The following PTK7 variants were observed in gnomAD, a reference collection of about 807,000 sequenced individuals.
PTK7 encodes protein tyrosine kinase 7 (inactive).
A neutral mutation model predicts 116.6 loss-of-function variants in PTK7; 39 were observed. The ratio of observed to expected loss-of-function variants is 0.33; its 90% CI spans 0.26 to 0.44. PTK7 has a LOEUF of 0.44. PTK7 is among the 20% of genes least tolerant of loss of function. PTK7 has a pLI of 1.00. For missense variants in PTK7, 1,169 were observed against 1,425.6 expected (o/e 0.82, Z 2.90); for synonymous variants, 546 against 563.6 (o/e 0.97, Z 0.44).
chr6:43,130,155 C>T, intron 3 of PTK7, 75 bp from the exon 4 acceptor site: 1 of 1,417,972 alleles, frequency 7.1e-7, no homozygotes, highest in African/African-American at 1.4e-5. Flanking sequence ...CTAGCCCTGA[C>T]CCTCTGATAC....
chr6:43,103,899 G>A (rs1477584382), intron 1 of PTK7, among the ~76,000 whole-genome samples: 1 of 152,182 alleles, frequency 6.6e-6, no homozygotes, highest in Non-Finnish European at 1.5e-5. Context: ...AAATAGGACA[G>A]TATTTAAATT....
At chr6:43,157,364 A>ATTTTTTTTTT (rs1293389236) in intron 17 of PTK7, among the ~76,000 whole-genome samples, 2 of 54,344 alleles carry the variant, frequency 3.7e-5, no homozygotes, top group African/African-American at 7.2e-5. Context: ...ATATATATAT[A>ATTTTTTTTTT]TTTTTTTTTT....
chr6:43,132,102 G>A lies in PTK7; in HGVS notation c.899G>A (p.Arg300His), dbSNP rs773128495. The A allele has an allele frequency of 8.1e-6, 13 of 1,614,048 alleles. No homozygotes were observed. The highest frequency in any genetic ancestry group is 2.2e-5 in the South Asian group (2 of 91,086). ...CGGCCACGCAATGCAGGGATCTACC[G>A]CTGCATTGGCCAGGGGCAGAGGGGC... is the stretch of plus-strand genomic sequence containing the variant. ...QVRPRNAGIY[R>H]CIGQGQRGPP... The change falls in exon 6 of 20, where the codon CGC (arginine) becomes CAC (histidine). Residue 300 changes from arginine to histidine, a missense_variant. Physicochemically the swap from Arg to His is conservative, Grantham distance 29. Transcript: ENST00000230419.
chr6:43,144,327 C>T (rs943014371), intron 14 of PTK7, 124 bp from the exon 15 acceptor site: 1 of 1,188,054 alleles, frequency 8.4e-7, no homozygotes, highest in Non-Finnish European at 1.2e-6. Flanking sequence ...CTTGCCCTTT[C>T]ATGTGGAGCA....
At chr6:43,087,555 C>T (rs1766728671) in intron 1 of PTK7, among the ~76,000 whole-genome samples, 2 of 152,140 alleles carry the variant, frequency 1.3e-5, no homozygotes, top group African/African-American at 4.8e-5. Context: ...ATGTTCATAC[C>T]TCTTGAGCCT....
At chr6:43,083,255 G>C (rs1391523337) in intron 1 of PTK7, among the ~76,000 whole-genome samples, 1 of 152,234 alleles carries the variant, frequency 6.6e-6, no homozygotes, top group Non-Finnish European at 1.5e-5. Flanking sequence ...ACTACCCCTG[G>C]CCAGAGCCAC....
chr6:43,104,427 A>T (rs549369515), intron 1 of PTK7, among the ~76,000 whole-genome samples: 1 of 152,296 alleles, frequency 6.6e-6, no homozygotes, highest in African/African-American at 2.4e-5. Context: ...TTATTTATTT[A>T]TGAGATGGAT....
At position 43,159,871 on chromosome 6, in the gene PTK7, A is replaced by C; in HGVS notation, c.2957A>C (p.Lys986Thr). 6.2e-7 allele frequency: 1 copy of C among 1,614,222 alleles called. No individual in the cohort carries two copies. The change falls in exon 19 of 20, where the codon AAG (lysine) becomes ACG (threonine). Residue 986 changes from lysine (K) to threonine (T), a missense_variant. By Grantham distance (78) the Lys-to-Thr change is moderately conservative. This residue lies in a region of PTK7 where 678 missense variants were observed against 853.8 expected (regional missense o/e 0.79). Coordinates refer to ENST00000230419, the MANE Select transcript of PTK7 (RefSeq NM_002821.5). ...EAILEGDFSTKSDVWAFGVLM... is the reference protein window; with the variant it reads ...EAILEGDFSTTSDVWAFGVLM... ...ATCCTGGAGGGTGACTTCTCTACCA[A>C]GTCTGATGTCTGGGCCTTCGGTGTG...
chr6:43,100,267 C>T (rs1340019956), intron 1 of PTK7, among the ~76,000 whole-genome samples: 1 of 151,822 alleles, frequency 6.6e-6, no homozygotes, highest in East Asian at 1.9e-4. Context: ...CCTATAGTCC[C>T]AGCTACTCAG....
intron 17 of PTK7, among the ~76,000 whole-genome samples, chr6:43,152,742 A>ATGTTATGTTATGTTATGTTG (rs1771196884): frequency 9.7e-6 from 1 of 103,408 alleles, no homozygotes; most frequent in African/African-American, 5.3e-5. Context: ...TATTTATGTT[A>ATGTTATGTTATGTTATGTTG]TGTTATGTTA....
intron 1 of PTK7, among the ~76,000 whole-genome samples, chr6:43,119,272 G>A (rs1768811656): frequency 6.6e-6 from 1 of 152,116 alleles, no homozygotes; most frequent in Non-Finnish European, 1.5e-5. Flanking sequence ...TAGTCTCCTA[G>A]GCGGGAGACA....
chr6:43,104,707 T>A (rs1040383292), intron 1 of PTK7, among the ~76,000 whole-genome samples: 6 of 151,904 alleles, frequency 3.9e-5, no homozygotes, highest in African/African-American at 1.4e-4. Context: ...GGATTACAGG[T>A]GTCAGCCTCC....
In PTK7 at chr6:43,148,700, G is replaced by T. The variant is rs546077836; in HGVS notation, c.2721+2002G>T. On this transcript the variant is annotated intron_variant, in intron 17 of 19. Transcript: ENST00000230419. ...CCATAGTGTCTTAAATATGATGGGG[G>T]AACTTTAATAAGTTGGGTTCTACAC... Among the ~76,000 whole-genome samples the T allele has an allele frequency of 3.9e-5, 6 of 152,132 alleles. No homozygotes were observed. The South Asian group carries it at 1.2e-3, about 32-fold the overall frequency.
chr6:43,099,888 C>T (rs1472574249), intron 1 of PTK7, among the ~76,000 whole-genome samples: 1 of 151,828 alleles, frequency 6.6e-6, no homozygotes, highest in African/African-American at 2.4e-5. Context: ...TTTGAGACTC[C>T]ATCTCTTTTT....
intron 1 of PTK7, among the ~76,000 whole-genome samples, chr6:43,116,683 T>C (rs1372882062): frequency 1.3e-5 from 2 of 151,390 alleles, no homozygotes; most frequent in Admixed American, 6.6e-5. Context: ...TATGGATACA[T>C]GTACATGTGA....
At chr6:43,158,989 TG>T (rs745746492) in intron 18 of PTK7, 21 bp downstream of exon 18, 1 of 1,610,718 alleles carries the variant, frequency 6.2e-7, no homozygotes. Flanking sequence ...ATGCGTGGGG[TG>T]GGGGCTCCCC....
At chr6:43,140,952 T>C (rs920825820) in intron 10 of PTK7, among the ~76,000 whole-genome samples, 4 of 152,216 alleles carry the variant, frequency 2.6e-5, no homozygotes, top group African/African-American at 4.8e-5. Context: ...ATGATCCTAA[T>C]AATATTTCAA....
chr6:43,150,321 C>T (rs1292400776), intron 17 of PTK7, among the ~76,000 whole-genome samples: 1 of 152,106 alleles, frequency 6.6e-6, no homozygotes, highest in East Asian at 1.9e-4. Context: ...TACCAAAGAA[C>T]GGGTCTTTTA....
chr6:43,133,937 A>G (rs1187220071), intron 7 of PTK7, among the ~76,000 whole-genome samples: 1 of 152,254 alleles, frequency 6.6e-6, no homozygotes, highest in Non-Finnish European at 1.5e-5. Context: ...GCACATGTGT[A>G]ACGAGTGCTC....
Sources: gnomAD v4.1 joint callset for allele counts (sites outside exome capture counted in the v4.1 genomes callset) on GRCh38, gnomAD v4.1.1 for gene constraint, gnomAD v4.1.1 regional missense constraint, MANE v1.5 for transcripts, NCBI Gene and HGNC (gene_info 2026-07-23, HGNC 2026-07-21) for gene names.